RFX8: variants seen among roughly 807,000 people sequenced by gnomAD.
The protein encoded by RFX8 is DNA-binding protein RFX8.
A neutral mutation model predicts 54.6 loss-of-function variants in RFX8; 46 were observed. That is an observed-to-expected ratio of 0.84 (90% CI 0.67 to 1.08). The LOEUF (loss-of-function observed/expected upper bound fraction) is 1.08. Among genes scored for constraint, RFX8 ranks in the 50% least tolerant of loss-of-function variants. RFX8 has a pLI of 0.00. For missense variants in RFX8, 536 were observed against 562.3 expected (o/e 0.95, Z 0.47); for synonymous variants, 192 against 209.5 (o/e 0.92, Z 0.72).
At chr2:101,429,470 C>T (rs1387161617) in intron 2 of RFX8, among the ~76,000 whole-genome samples, 1 of 152,116 alleles carries the variant, frequency 6.6e-6, no homozygotes, top group Non-Finnish European at 1.5e-5. Flanking sequence ...TTTCACCATG[C>T]CTCTTGGATT....
rs571946329 is a variant in RFX8 at position 101,447,957 on chromosome 2, A to G, written c.72+18820T>C. Among the ~76,000 whole-genome samples the G allele has an allele frequency of 1.2e-4, 18 of 152,312 alleles. No homozygotes were observed. The East Asian group carries it at 2.3e-3, about 20-fold the overall frequency. On this transcript the variant is annotated intron_variant, in intron 2 of 11. Transcript: ENST00000428343. ...TGGTACCTTGTTGCTACATCCTCAC[A>G]TGGCAGAAGGCAGAAGGATGACAGA...
intron 2 of RFX8, among the ~76,000 whole-genome samples, chr2:101,457,196 C>CTCTA (rs1301370577): frequency 6.6e-6 from 1 of 152,078 alleles, no homozygotes; most frequent in Non-Finnish European, 1.5e-5. Context: ...TTTTTTGTGT[C>CTCTA]TCTATCTCCT....
intron 1 of RFX8, among the ~76,000 whole-genome samples, chr2:101,471,963 C>T (rs1453635341): frequency 6.6e-6 from 1 of 152,220 alleles, no homozygotes; most frequent in Non-Finnish European, 1.5e-5. Flanking sequence ...ATGGAGATGT[C>T]TCCAGGCGTT....
chr2:101,435,057 G>C (rs906022739), intron 2 of RFX8: 2 of 152,298 alleles, frequency 1.3e-5, no homozygotes, highest in African/African-American at 4.8e-5. Context: ...CTGTGAACCC[G>C]CTCGCCGCCA....
At chr2:101,424,630 A>G (rs907430884) in intron 2 of RFX8, among the ~76,000 whole-genome samples, 3 of 152,220 alleles carry the variant, frequency 2.0e-5, no homozygotes, top group East Asian at 1.9e-4. Flanking sequence ...ATGTCCATCA[A>G]TGACAGACTG....
intron 1 of RFX8, among the ~76,000 whole-genome samples, chr2:101,469,064 A>ACG (rs1689779489): frequency 4.8e-5 from 1 of 20,758 alleles, no homozygotes; most frequent in African/African-American, 1.9e-4. Context: ...ACGTATATAT[A>ACG]TGTATATATA....
chr2:101,415,900 C>T (rs577337400), intron 6 of RFX8, among the ~76,000 whole-genome samples: 33 of 152,308 alleles, frequency 2.2e-4, no homozygotes, highest in South Asian at 4.1e-4. Context: ...TGGGCTTTGA[C>T]GCATAGGTAG....
chr2:101,402,664 GTCC>G lies in RFX8; in HGVS notation c.1014_1016del (p.Glu338del), dbSNP rs1420750633. 1 of 1,554,870 alleles carries G rather than the reference GTCC, an allele frequency of 6.4e-7. No individual in the cohort carries two copies. Among genetic ancestry groups the G allele is most frequent in the Non-Finnish European group, 8.7e-7 (1 of 1,148,434 alleles). ...GTAGCATTTCCTTGACAGTCCCCAT[GTCC>G]TCCTCCTCCTCTTCCTCCTCTAGGC... On this transcript the variant is annotated inframe_deletion, in exon 11 of 12. Coordinates refer to ENST00000428343, the MANE Select transcript of RFX8 (RefSeq NM_001145664.2).
At chr2:101,430,681 T>G (rs996901115) in intron 2 of RFX8, among the ~76,000 whole-genome samples, 10 of 152,202 alleles carry the variant, frequency 6.6e-5, no homozygotes, top group Admixed American at 2.6e-4. Flanking sequence ...TATTTTGTTA[T>G]GACAGCCCAT....
intron 1 of RFX8, among the ~76,000 whole-genome samples, chr2:101,467,617 T>C (rs1418969050): frequency 1.3e-5 from 2 of 152,218 alleles, no homozygotes; most frequent in Non-Finnish European, 2.9e-5. Flanking sequence ...GCAGTGCCTG[T>C]GACCTCTGCT....
At chr2:101,427,767 C>T (rs894192560) in intron 2 of RFX8, among the ~76,000 whole-genome samples, 1 of 152,134 alleles carries the variant, frequency 6.6e-6, no homozygotes, top group Admixed American at 6.6e-5. Flanking sequence ...CGACATGGTA[C>T]CCATTGTTCC....
At chr2:101,450,797 C>T (rs1688632086) in intron 2 of RFX8, 3 of 620,518 alleles carry the variant, frequency 4.8e-6, no homozygotes, top group Non-Finnish European at 8.5e-6. Context: ...TTAGCATTGG[C>T]TGCATTTCTC....
At chr2:101,462,356 G>A (rs558549144) in intron 2 of RFX8, among the ~76,000 whole-genome samples, 24 of 152,256 alleles carry the variant, frequency 1.6e-4, no homozygotes, top group African/African-American at 5.1e-4. Context: ...CTGGAGCCCA[G>A]GAGGCAGAGG....
intron 1 of RFX8, among the ~76,000 whole-genome samples, chr2:101,470,469 T>G (rs1401232328): frequency 6.6e-6 from 1 of 152,132 alleles, no homozygotes; most frequent in Non-Finnish European, 1.5e-5. Context: ...CACCAAAATG[T>G]CCTTTGGTGA....
chr2:101,434,094 T>C (rs552587214), intron 2 of RFX8, among the ~76,000 whole-genome samples: 1 of 152,186 alleles, frequency 6.6e-6, no homozygotes, highest in Non-Finnish European at 1.5e-5. Flanking sequence ...GTTAGTAAGG[T>C]AGATAAGAAT....
intron 9 of RFX8, 99 bp from the exon 10 acceptor site, chr2:101,406,156 TAA>T (rs1685723063): frequency 1.6e-6 from 1 of 640,990 alleles, no homozygotes; most frequent in South Asian, 2.2e-5. Context: ...CACGCATTTT[TAA>T]AGAGCCAAAG....
intron 4 of RFX8, chr2:101,421,099 G>A (rs1314338596): frequency 8.8e-6 from 2 of 226,652 alleles, no homozygotes; most frequent in East Asian, 3.6e-4. Flanking sequence ...TTTACGCCGA[G>A]TAGGTAGTAA....
At chr2:101,413,469 C>A (rs567572676) in intron 7 of RFX8, among the ~76,000 whole-genome samples, 1 of 152,170 alleles carries the variant, frequency 6.6e-6, no homozygotes, top group African/African-American at 2.4e-5. Flanking sequence ...GTCCCTTCCT[C>A]GTGGGAGCCT....
intron 1 of RFX8, 23 bp from the exon 2 acceptor site, chr2:101,466,923 G>C (rs747323425): frequency 9.3e-7 from 1 of 1,073,332 alleles, no homozygotes; most frequent in South Asian, 1.4e-5. Flanking sequence ...AGGACAAGGA[G>C]GAGGAAATTG....
Sources: gnomAD v4.1 joint callset for allele counts (sites outside exome capture counted in the v4.1 genomes callset) on GRCh38, gnomAD v4.1.1 for gene constraint, MANE v1.5 for transcripts, NCBI Gene and HGNC (gene_info 2026-07-23, HGNC 2026-07-21) for gene names.